The following HECW1 variants were observed in gnomAD, a reference collection of about 807,000 sequenced individuals.
HECW1 encodes the protein HECT, C2 and WW domain containing E3 ubiquitin protein ligase 1.
Under a neutral mutation model 182.3 loss-of-function variants are expected in HECW1, and 61 were observed. The observed-to-expected ratio is 0.33, with a 90% CI of 0.27 to 0.41. The LOEUF is 0.41. Ranked by LOEUF, HECW1 falls within the 10% of genes least tolerant of loss-of-function variation. HECW1 has a pLI of 1.00. For synonymous variants in HECW1, 859 were observed against 832.6 expected (o/e 1.03, Z -0.55); for missense variants, 1,739 against 2,108.9 (o/e 0.82, Z 3.44).
chr7:43,164,901 C>A (rs1011618492), intron 2 of HECW1, among the ~76,000 whole-genome samples: 8 of 152,238 alleles, frequency 5.3e-5, no homozygotes, highest in African/African-American at 1.7e-4. Flanking sequence ...CAAGCTCATT[C>A]ATCAGCGAGT....
intron 14 of HECW1, 92 bp from the exon 15 acceptor site, chr7:43,466,355 G>A: frequency 1.5e-6 from 2 of 1,322,426 alleles, no homozygotes; most frequent in Non-Finnish European, 2.1e-6. Flanking sequence ...TGTGGGTGAA[G>A]GCTTGTGTGC....
rs573683676 is a variant in HECW1, at chr7:43,374,364, A to G, written c.555+13384A>G. Among the ~76,000 whole-genome samples, 9 of 152,310 alleles carry G rather than the reference A, an allele frequency of 5.9e-5. No homozygotes were observed. The South Asian group carries it at 1.9e-3, about 32-fold the overall frequency. ...GGACAGTAAGGAGATAATGGGTCCA[A>G]CCTTTTGACCAACAGTCACAGGTAT... is the stretch of plus-strand genomic sequence containing the variant. On this transcript the variant is annotated intron_variant, in intron 6 of 29. Coordinates refer to ENST00000395891, the MANE Select transcript of HECW1 (RefSeq NM_015052.5).
intron 11 of HECW1, among the ~76,000 whole-genome samples, chr7:43,447,647 C>T (rs111508617): frequency 6.6e-5 from 10 of 152,204 alleles, no homozygotes; most frequent in African/African-American, 2.2e-4. Context: ...CCAGGCTAAC[C>T]GTGTCTGCAT....
intron 26 of HECW1, among the ~76,000 whole-genome samples, chr7:43,548,759 T>C (rs1393826991): frequency 6.6e-6 from 1 of 152,054 alleles, no homozygotes; most frequent in Non-Finnish European, 1.5e-5. Flanking sequence ...CTGGCCAACA[T>C]GGCGAAACCC....
intron 2 of HECW1, among the ~76,000 whole-genome samples, chr7:43,146,712 A>C (rs184265943): frequency 2.6e-5 from 4 of 152,306 alleles, no homozygotes; most frequent in Non-Finnish European, 4.4e-5. Flanking sequence ...AGGATGTATG[A>C]TGGACAAGGC....
chr7:43,553,688 A>AAGG (rs369905426), intron 28 of HECW1, among the ~76,000 whole-genome samples: 20 of 136,340 alleles, frequency 1.5e-4, no homozygotes, highest in African/African-American at 4.6e-4. Flanking sequence ...AAAAAAAAAA[A>AAGG]GTCTCTGCCT....
chr7:43,149,572 T>C (rs573034646), intron 2 of HECW1, among the ~76,000 whole-genome samples: 3 of 152,338 alleles, frequency 2.0e-5, no homozygotes, highest in East Asian at 1.9e-4. Context: ...CAGTAGTTTA[T>C]AGTACTGTAC....
rs111371623 is a variant in HECW1 at position 43,307,048 on chromosome 7, G to A, written c.28-4715G>A. On this transcript the variant is annotated intron_variant, in intron 3 of 29. Transcript: ENST00000395891. ...AGCAAAACAAATAAACAAAACATTG[G>A]TGGCTCTTCTGCTACAAATAGGAAA... Among the ~76,000 whole-genome samples the A allele has an allele frequency of 3.9e-5, 6 of 152,154 alleles. 1 individual carries two copies. Among genetic ancestry groups the A allele is most frequent in the African/African-American group, 1.4e-4 (6 of 41,500 alleles).
At chr7:43,114,132 GT>G in intron 1 of HECW1, 24 bp from the exon 2 acceptor site, 1 of 778,186 alleles carries the variant, frequency 1.3e-6, no homozygotes, top group Non-Finnish European at 1.8e-6. Context: ...TTCTCCCCTT[GT>G]TTTCCCCCCT....
At chr7:43,240,263 G>A (rs1187563970) in intron 2 of HECW1, among the ~76,000 whole-genome samples, 2 of 152,126 alleles carry the variant, frequency 1.3e-5, no homozygotes, top group South Asian at 2.1e-4. Flanking sequence ...GCGTGAACCC[G>A]GGAGGCGGAG....
At chr7:43,382,871 G>A (rs377438031) in intron 6 of HECW1, among the ~76,000 whole-genome samples, 25 of 152,240 alleles carry the variant, frequency 1.6e-4, no homozygotes, top group South Asian at 6.2e-4. Flanking sequence ...CCATCAACCC[G>A]TCATCTAGGT....
At chr7:43,501,436 C>A in intron 21 of HECW1, 114 bp downstream of exon 21, 1 of 598,510 alleles carries the variant, frequency 1.7e-6, no homozygotes, top group South Asian at 2.5e-5. Flanking sequence ...CTTCCCAATT[C>A]CCTAATTGAA....
chr7:43,423,398 C>T (rs921172642), intron 8 of HECW1, among the ~76,000 whole-genome samples: 2 of 152,224 alleles, frequency 1.3e-5, no homozygotes, highest in African/African-American at 2.4e-5. Context: ...CTTCTGTTTA[C>T]GTGGGGTGGG....
At chr7:43,256,326 T>C (rs113149364) in intron 3 of HECW1, among the ~76,000 whole-genome samples, 3 of 152,234 alleles carry the variant, frequency 2.0e-5, no homozygotes, top group African/African-American at 7.2e-5. Flanking sequence ...AAGATGAACA[T>C]CGGCTGGGTA....
rs149771946 is a variant in HECW1 at position 43,379,568 on chromosome 7, C to T, written c.556-17246C>T. On this transcript the variant is annotated intron_variant, in intron 6 of 29. Transcript: ENST00000395891. ...GGCTTTTTCACCATCATTCCTGCTG[C>T]TCTGCCCTTGCCTGACACTGCCTCA... 1.1e-4 allele frequency among the ~76,000 whole-genome samples: 16 copies of T among 152,308 alleles called. No individual in the cohort carries two copies. The East Asian group carries it at 2.9e-3, about 28-fold the overall frequency.
At chr7:43,287,410 G>A (rs1804789412) in intron 3 of HECW1, among the ~76,000 whole-genome samples, 1 of 152,232 alleles carries the variant, frequency 6.6e-6, no homozygotes, top group South Asian at 2.1e-4. Flanking sequence ...AGGAGTCCAG[G>A]GTTGCTGGAC....
intron 11 of HECW1, among the ~76,000 whole-genome samples, chr7:43,447,134 G>T (rs10255363): frequency 0.43 from 64,733 of 151,712 alleles, 14,068 homozygotes; most frequent in East Asian, 0.56. Flanking sequence ...TGGGTCAAGA[G>T]GTAAAAAGCT....
At chr7:43,325,415 G>A (rs917017) in intron 5 of HECW1, among the ~76,000 whole-genome samples, 99,078 of 152,022 alleles carry the variant, frequency 0.65, 33,598 homozygotes, top group African/African-American at 0.86. Flanking sequence ...ATCCTTCCAA[G>A]TCAGGGCTTG....
chr7:43,114,088 G>A (rs1784855232), intron 1 of HECW1, 69 bp from the exon 2 acceptor site: 1 of 468,982 alleles, frequency 2.1e-6, no homozygotes. Flanking sequence ...CTGTAGTTTT[G>A]TGCTTACTTC....
Sources: gnomAD v4.1 joint callset for allele counts (sites outside exome capture counted in the v4.1 genomes callset) on GRCh38, gnomAD v4.1.1 for gene constraint, MANE v1.5 for transcripts, NCBI Gene and HGNC (gene_info 2026-07-23, HGNC 2026-07-21) for gene names.